MTUS2: variants seen among roughly 807,000 people sequenced by gnomAD.
MTUS2 encodes the protein microtubule associated scaffold protein 2.
In MTUS2, 40 loss-of-function variants were observed where a neutral mutation model predicts 114.1. The ratio of observed to expected loss-of-function variants is 0.35; its 90% CI spans 0.27 to 0.46. The LOEUF is 0.46. Ranked by LOEUF, MTUS2 falls within the 20% of genes least tolerant of loss-of-function variation. The pLI, the probability that MTUS2 is intolerant of heterozygous loss-of-function variation, is 1.00. For synonymous variants in MTUS2, 688 were observed against 672.0 expected (o/e 1.02, Z -0.37); for missense variants, 1,679 against 1,705.4 (o/e 0.98, Z 0.27).
At chr13:28,929,720 A>C (rs1881511968) in intron 2 of MTUS2, among the ~76,000 whole-genome samples, 1 of 152,196 alleles carries the variant, frequency 6.6e-6, no homozygotes, top group African/African-American at 2.4e-5. Flanking sequence ...TTATTTACCC[A>C]ACAGCAAACA....
At chr13:29,160,385 A>G (rs1268673691) in intron 5 of MTUS2, among the ~76,000 whole-genome samples, 1 of 152,238 alleles carries the variant, frequency 6.6e-6, no homozygotes, top group African/African-American at 2.4e-5. Context: ...TACATATAAC[A>G]TAGAAAATAC....
At chr13:29,349,926 T>C (rs1784080090) in intron 7 of MTUS2, among the ~76,000 whole-genome samples, 3 of 152,164 alleles carry the variant, frequency 2.0e-5, no homozygotes. Context: ...TAATAGGGTG[T>C]TTTGTCCATT....
At chr13:29,040,778 C>A (rs1045943490) in intron 4 of MTUS2, among the ~76,000 whole-genome samples, 20 of 152,088 alleles carry the variant, frequency 1.3e-4, no homozygotes, top group African/African-American at 4.8e-4. Context: ...CTATTCATTT[C>A]TTTAGTCTAC....
At position 28,866,816 on chromosome 13, in the gene MTUS2, A is replaced by G. The variant is rs1391580545; in HGVS notation, c.-243+26966A>G. On this transcript the variant is annotated intron_variant, in intron 2 of 15. Transcript: ENST00000612955. ...AAAGGATGCCCTTCTGTATATGTCTACCATACCTGCATTTTAAAGTCACTA... is the reference window on the plus strand; with the variant it reads ...AAAGGATGCCCTTCTGTATATGTCTGCCATACCTGCATTTTAAAGTCACTA... Among the ~76,000 whole-genome samples, 6 of 152,184 alleles carry G rather than the reference A, an allele frequency of 3.9e-5. No homozygotes were observed. The East Asian group carries it at 7.7e-4, about 20-fold the overall frequency.
intron 5 of MTUS2, among the ~76,000 whole-genome samples, chr13:29,144,763 G>A (rs1418604276): frequency 6.6e-6 from 1 of 152,110 alleles, no homozygotes; most frequent in African/African-American, 2.4e-5. Context: ...ACCTAATTAT[G>A]GGAGTGATAG....
intron 4 of MTUS2, among the ~76,000 whole-genome samples, chr13:29,075,353 G>A (rs1889142828): frequency 6.6e-6 from 1 of 152,120 alleles, no homozygotes; most frequent in African/African-American, 2.4e-5. Context: ...CTACCATCTG[G>A]ACTTTTGATT....
At chr13:29,143,859 G>C (rs1892324329) in intron 5 of MTUS2, among the ~76,000 whole-genome samples, 1 of 152,154 alleles carries the variant, frequency 6.6e-6, no homozygotes, top group Admixed American at 6.5e-5. Flanking sequence ...CTTAGAAAAG[G>C]AAATAGTTTT....
At chr13:28,991,222 T>C (rs74041686) in intron 2 of MTUS2, among the ~76,000 whole-genome samples, 1 of 152,176 alleles carries the variant, frequency 6.6e-6, no homozygotes, top group Non-Finnish European at 1.5e-5. Context: ...TCCCTGCTGC[T>C]CTTGATCATG....
At chr13:29,334,704 T>A (rs546948363) in intron 7 of MTUS2, among the ~76,000 whole-genome samples, 1 of 152,280 alleles carries the variant, frequency 6.6e-6, no homozygotes, top group Non-Finnish European at 1.5e-5. Flanking sequence ...TCGAGGAGTA[T>A]CTTAGTGGTG....
chr13:29,233,720 G>A (rs2050463), intron 5 of MTUS2, among the ~76,000 whole-genome samples: 125,463 of 152,212 alleles, frequency 0.82, 51,748 homozygotes, highest in East Asian at 0.89. Flanking sequence ...TTTCTGCCAT[G>A]ATTTCGAAAA....
intron 4 of MTUS2, among the ~76,000 whole-genome samples, chr13:29,039,885 A>G (rs1887268412): frequency 6.6e-6 from 1 of 152,224 alleles, no homozygotes; most frequent in African/African-American, 2.4e-5. Flanking sequence ...TGGATTTCCC[A>G]TAATTTCCAG....
chr13:29,295,840 G>C (rs796224391), intron 6 of MTUS2, among the ~76,000 whole-genome samples: 8 of 152,286 alleles, frequency 5.3e-5, no homozygotes, highest in African/African-American at 1.9e-4. Context: ...CAGCGGAACT[G>C]CATTTTATAA....
intron 8 of MTUS2, among the ~76,000 whole-genome samples, chr13:29,381,920 C>T (rs1188055262): frequency 6.6e-6 from 1 of 152,212 alleles, no homozygotes; most frequent in Non-Finnish European, 1.5e-5. Flanking sequence ...TGGAAATACT[C>T]TATCACGTTG....
intron 2 of MTUS2, among the ~76,000 whole-genome samples, chr13:28,900,203 T>C (rs1293110032): frequency 6.6e-6 from 1 of 152,242 alleles, no homozygotes; most frequent in Non-Finnish European, 1.5e-5. Flanking sequence ...TAAACTCTTT[T>C]GGCTAAAGTT....
intron 5 of MTUS2, among the ~76,000 whole-genome samples, chr13:29,231,973 T>A (rs1365052919): frequency 6.6e-6 from 1 of 152,162 alleles, no homozygotes; most frequent in African/African-American, 2.4e-5. Context: ...ATATAAGAAT[T>A]TTTTTACTTA....
chr13:28,988,102 A>G (rs564835078), intron 2 of MTUS2, among the ~76,000 whole-genome samples: 2 of 152,352 alleles, frequency 1.3e-5, no homozygotes, highest in African/African-American at 4.8e-5. Context: ...AATGTTGAAA[A>G]GGTGAAATAA....
At chr13:29,448,058 A>C (rs1878415322) in intron 9 of MTUS2, among the ~76,000 whole-genome samples, 1 of 152,168 alleles carries the variant, frequency 6.6e-6, no homozygotes, top group Admixed American at 6.5e-5. Context: ...GTTTACTGCC[A>C]TCAGGTAGAT....
At chr13:29,472,408 T>C (rs1880387730) in intron 9 of MTUS2, among the ~76,000 whole-genome samples, 1 of 152,086 alleles carries the variant, frequency 6.6e-6, no homozygotes, top group Admixed American at 6.5e-5. Context: ...TTAGAGAGAG[T>C]AGGGCTCTAC....
chr13:29,196,081 G>A (rs569866356), intron 5 of MTUS2, among the ~76,000 whole-genome samples: 1 of 151,682 alleles, frequency 6.6e-6, no homozygotes, highest in Non-Finnish European at 1.5e-5. Context: ...CAATGACACA[G>A]GACTAAACTA....
Sources: gnomAD v4.1 joint callset for allele counts (sites outside exome capture counted in the v4.1 genomes callset) on GRCh38, gnomAD v4.1.1 for gene constraint, MANE v1.5 for transcripts, NCBI Gene and HGNC (gene_info 2026-07-23, HGNC 2026-07-21) for gene names.